Variants in CPN1 observed in about 807,000 individuals in gnomAD.
The protein encoded by CPN1 is carboxypeptidase N subunit 1, also known as carboxypeptidase N catalytic chain.
Under a neutral mutation model 46.4 loss-of-function variants are expected in CPN1, and 37 were observed. The observed-to-expected ratio is 0.80, with a 90% CI of 0.61 to 1.05. CPN1 has a LOEUF of 1.05. CPN1 is among the 50% of genes least tolerant of loss of function. The probability of loss-of-function intolerance (pLI) is 0.00; values close to 1 mark genes in which losing one functional copy is unlikely to be tolerated. For missense variants in CPN1, 563 were observed against 602.6 expected (o/e 0.93, Z 0.69); for synonymous variants, 224 against 235.4 (o/e 0.95, Z 0.44).
At chr10:100,076,171 G>A in intron 1 of CPN1, 64 bp from the exon 2 acceptor site, 3 of 1,512,102 alleles carry the variant, frequency 2.0e-6, no homozygotes, top group Non-Finnish European at 2.8e-6. Flanking sequence ...CTTGCAGAAG[G>A]ACCTTTTTTC....
intron 5 of CPN1, among the ~76,000 whole-genome samples, chr10:100,062,307 C>T (rs1047112171): frequency 1.3e-5 from 2 of 152,142 alleles, no homozygotes; most frequent in Non-Finnish European, 2.9e-5. Context: ...GGGATAGAGA[C>T]AGAAGTCTCT....
At chr10:100,081,377 A>G in intron 1 of CPN1, 26 bp downstream of exon 1, 1 of 1,599,810 alleles carries the variant, frequency 6.3e-7, no homozygotes, top group Non-Finnish European at 8.5e-7. Context: ...TGCCCCACAC[A>G]CCCTCAAGAG....
intron 8 of CPN1, among the ~76,000 whole-genome samples, chr10:100,043,682 T>C (rs547472200): frequency 9.9e-5 from 15 of 151,748 alleles, no homozygotes; most frequent in Admixed American, 2.0e-4. Flanking sequence ...TTTTTTTTAA[T>C]TTTAGAGATG....
chr10:100,045,836 G>T (rs2041304445), intron 8 of CPN1, among the ~76,000 whole-genome samples: 1 of 152,178 alleles, frequency 6.6e-6, no homozygotes, highest in African/African-American at 2.4e-5. Flanking sequence ...TGACTGGACT[G>T]CATTGTGTTA....
chr10:100,081,450 T>G lies in CPN1; in HGVS notation c.176A>C (p.His59Pro). 6.2e-7 allele frequency: 1 copy of G among 1,613,722 alleles called. No individual in the cohort carries two copies. The highest frequency in any genetic ancestry group is 1.1e-5 in the South Asian group (1 of 91,060). The change falls in exon 1 of 9, where the codon CAC (histidine) becomes CCC (proline). Residue 59 changes from histidine to proline, a missense_variant. His to Pro is a moderately conservative substitution (Grantham distance 77, BLOSUM62 -2). Coordinates refer to ENST00000370418, the MANE Select transcript of CPN1 (RefSeq NM_001308.3). ...YSIGRSVEGR[H>P]LYVLEFSDHP... The stretch of plus-strand genomic sequence containing the variant: ...GTCGCTGAACTCCAGCACGTAGAGG[T>G]GTCTCCCCTCCACGCTGCGCCCAAT...
chr10:100,056,552 G>C (rs906046691), intron 6 of CPN1, among the ~76,000 whole-genome samples: 1 of 152,016 alleles, frequency 6.6e-6, no homozygotes, highest in African/African-American at 2.4e-5. Flanking sequence ...AGTTGTGCTT[G>C]ATAATTTTTT....
At chr10:100,078,152 A>G (rs2041525863) in intron 1 of CPN1, among the ~76,000 whole-genome samples, 1 of 152,070 alleles carries the variant, frequency 6.6e-6, no homozygotes, top group African/African-American at 2.4e-5. Flanking sequence ...AGTTCAAGCC[A>G]TCCTCCCGCC....
chr10:100,051,060 G>C (rs2041349994), intron 7 of CPN1, among the ~76,000 whole-genome samples: 1 of 152,108 alleles, frequency 6.6e-6, no homozygotes, highest in Admixed American at 6.6e-5. Flanking sequence ...ATCTTCAAAA[G>C]TATGGCAAGG....
At chr10:100,069,910 T>G in intron 2 of CPN1, 41 bp from the exon 3 acceptor site, 1 of 1,611,852 alleles carries the variant, frequency 6.2e-7, no homozygotes, top group African/African-American at 1.3e-5. Flanking sequence ...GGTTTCAGAT[T>G]GAATACTATA....
In CPN1 at chr10:100,042,287, G is replaced by A. The variant is rs1589467731; in HGVS notation, c.*140C>T. 1.3e-5 allele frequency: 16 copies of A among 1,196,612 alleles called. No homozygotes were observed. The South Asian group carries it at 2.0e-4, about 15-fold the overall frequency. 74.1% of individuals were successfully genotyped at this position (1,196,612 alleles called of 1,614,324 possible). A position where few individuals can be genotyped will look rare whatever the true frequency, so the allele number is the denominator to read the frequency against. ...ATGACCTAGAGATGGCTTACCCCTGGAACAGATGGAGACCATTCTGAATTG... is the reference window on the plus strand; with the variant it reads ...ATGACCTAGAGATGGCTTACCCCTGAAACAGATGGAGACCATTCTGAATTG... On this transcript the variant is annotated 3_prime_UTR_variant, in exon 9 of 9. Coordinates refer to ENST00000370418, the MANE Select transcript of CPN1 (RefSeq NM_001308.3).
In CPN1 at chr10:100,076,014, T is replaced by C; in HGVS notation, c.317A>G (p.Glu106Gly). Residue 106 changes from glutamate (E) to glycine (G), a missense_variant, in exon 2 of 9, where the codon GAG becomes GGG. Coordinates refer to ENST00000370418, the MANE Select transcript of CPN1 (RefSeq NM_001308.3). ...GATGCGCTGGTTCCTGTTCCGGAAC[T>C]CCTCGCACAGAAACTCCGACAGCTG... ...MLQLSEFLCE[E>G]FRNRNQRIVQ... 1.2e-6 allele frequency: 2 copies of C among 1,614,140 alleles called. No homozygotes were observed. The highest frequency in any genetic ancestry group is 1.7e-6 in the Non-Finnish European group (2 of 1,180,036).
intron 8 of CPN1, among the ~76,000 whole-genome samples, chr10:100,045,739 GT>G (rs1276134158): frequency 6.6e-6 from 1 of 152,208 alleles, no homozygotes; most frequent in Non-Finnish European, 1.5e-5. Flanking sequence ...TCACAGGGTT[GT>G]TGTGAAGGTT....
chr10:100,055,466 G>C (rs2041380138), intron 6 of CPN1, among the ~76,000 whole-genome samples: 1 of 151,508 alleles, frequency 6.6e-6, no homozygotes. Context: ...TTTTGTGGAT[G>C]GCTAATTTCA....
chr10:100,058,898 A>C (rs751972700), intron 5 of CPN1, among the ~76,000 whole-genome samples: 4 of 152,192 alleles, frequency 2.6e-5, no homozygotes, highest in Non-Finnish European at 4.4e-5. Flanking sequence ...ATATGGTCAA[A>C]GCAATTTTGA....
chr10:100,078,197 A>G (rs2041526236), intron 1 of CPN1, among the ~76,000 whole-genome samples: 1 of 152,140 alleles, frequency 6.6e-6, no homozygotes, highest in South Asian at 2.1e-4. Flanking sequence ...ACAAGTGCAC[A>G]CTACCACACG....
chr10:100,076,032 G>T lies in CPN1; in HGVS notation c.299C>A (p.Ser100Ter). ...ALGRELMLQL[S>*]EFLCEEFRNR... ...CCGGAACTCCTCGCACAGAAACTCCGACAGCTGCAGCATCAGCTCGCGGCC... is the reference window on the plus strand; with the variant it reads ...CCGGAACTCCTCGCACAGAAACTCCTACAGCTGCAGCATCAGCTCGCGGCC... Residue 100 changes from serine to a stop codon, truncating the protein, a stop_gained, in exon 2 of 9, where the codon TCG becomes TAG. Coordinates refer to ENST00000370418, the MANE Select transcript of CPN1 (RefSeq NM_001308.3). LOFTEE classifies it high-confidence loss of function. 6.2e-7 allele frequency: 1 copy of T among 1,614,158 alleles called. No individual in the cohort carries two copies. Among genetic ancestry groups the T allele is most frequent in the Non-Finnish European group, 8.5e-7 (1 of 1,180,036 alleles).
intron 2 of CPN1, among the ~76,000 whole-genome samples, chr10:100,074,582 A>AT (rs1422625382): frequency 6.6e-6 from 1 of 151,950 alleles, no homozygotes; most frequent in Non-Finnish European, 1.5e-5. Context: ...TGCCTGGCTA[A>AT]TTTTTTGTAT....
At chr10:100,073,769 C>T (rs2041499235) in intron 2 of CPN1, among the ~76,000 whole-genome samples, 1 of 152,074 alleles carries the variant, frequency 6.6e-6, no homozygotes, top group Non-Finnish European at 1.5e-5. Flanking sequence ...GCATGTGTTA[C>T]CACGCCTGGC....
chr10:100,055,148 G>A (rs1016957548), intron 6 of CPN1, among the ~76,000 whole-genome samples: 19 of 151,724 alleles, frequency 1.3e-4, no homozygotes, highest in Non-Finnish European at 2.4e-4. Context: ...CGAGACAGGA[G>A]AATCGCTTAA....
Sources: allele counts gnomAD v4.1 joint callset (sites outside exome capture counted in the v4.1 genomes callset), GRCh38; gene constraint gnomAD v4.1.1; transcripts MANE v1.5; gene names NCBI Gene and HGNC (gene_info 2026-07-23, HGNC 2026-07-21).